The following SEL1L variants were observed in gnomAD, a reference collection of about 807,000 sequenced individuals.
SEL1L encodes the protein SEL1L adaptor subunit of SYVN1 ubiquitin ligase.
Under a neutral mutation model 109.8 loss-of-function variants are expected in SEL1L, and 52 were observed. The ratio of observed to expected loss-of-function variants is 0.47; its 90% CI spans 0.38 to 0.60. SEL1L has a LOEUF of 0.60. SEL1L is among the 20% of genes least tolerant of loss of function. SEL1L has a pLI of 0.00. For missense variants in SEL1L, 749 were observed against 962.2 expected (o/e 0.78, Z 2.93); for synonymous variants, 373 against 339.6 (o/e 1.10, Z -1.08).
chr14:81,496,524 A>C (rs1457953545), intron 10 of SEL1L, among the ~76,000 whole-genome samples: 1 of 152,158 alleles, frequency 6.6e-6, no homozygotes, highest in Non-Finnish European at 1.5e-5. Context: ...GGGATCACTT[A>C]GACCAGGAGT....
intron 1 of SEL1L, 59 bp downstream of exon 1, chr14:81,533,616 G>A: frequency 1.9e-6 from 3 of 1,542,652 alleles, no homozygotes; most frequent in Non-Finnish European, 2.7e-6. Context: ...GGCCCCGCCG[G>A]CTGTAGAGGC....
rs1014844458 is a variant in SEL1L, at chr14:81,473,233, C to T, written c.*3739G>A. 2 of 152,084 alleles carry T rather than the reference C, an allele frequency of 1.3e-5. No homozygotes were observed. The highest frequency in any genetic ancestry group is 1.5e-5 in the Non-Finnish European group (1 of 68,010). The allele number at this position is 152,084 out of a possible 1,614,324, so 9.4% of individuals were successfully genotyped here. ...AATAGTGTCAGCCTGTTTCTCAAAC[C>T]AAATAGGAAAAACAGCATGTGAGAT... On this transcript the variant is annotated 3_prime_UTR_variant, in exon 21 of 21. Transcript: ENST00000336735.
At chr14:81,533,628 G>C (rs1165213191) in intron 1 of SEL1L, 47 bp downstream of exon 1, 2 of 1,578,792 alleles carry the variant, frequency 1.3e-6, no homozygotes, top group Admixed American at 1.7e-5. Context: ...TGTAGAGGCT[G>C]GGGGGCGGAG....
intron 14 of SEL1L, 121 bp from the exon 15 acceptor site, chr14:81,488,063 A>T (rs2139995191): frequency 1.5e-6 from 1 of 681,220 alleles, no homozygotes; most frequent in East Asian, 2.8e-5. Context: ...AGCCATTAAA[A>T]AGACCACTTT....
At chr14:81,531,555 T>G (rs973009789) in intron 1 of SEL1L, among the ~76,000 whole-genome samples, 1 of 152,046 alleles carries the variant, frequency 6.6e-6, no homozygotes, top group African/African-American at 2.4e-5. Flanking sequence ...CAGGGTTGTT[T>G]TTTTTTCTTT....
At chr14:81,506,292 T>C in intron 3 of SEL1L, 51 bp from the exon 4 acceptor site, 1 of 1,450,924 alleles carries the variant, frequency 6.9e-7, no homozygotes, top group South Asian at 1.5e-5. Context: ...CCTCTGGTAT[T>C]CATGGATTCA....
Position 81,533,664 on chromosome 14 carries a change from C to A in SEL1L, c.70+11G>T, listed in dbSNP as rs1885424932. The stretch of plus-strand genomic sequence containing the variant: ...GCTCTGGGCCTTCAGCCCGAGGGGG[C>A]GGATACTGACCCGAGGACGCCGAGG... On this transcript the variant is annotated intron_variant, in intron 1 of 20. Transcript: ENST00000336735. 6.2e-7 allele frequency: 1 copy of A among 1,611,544 alleles called. No individual in the cohort carries two copies. Among genetic ancestry groups the A allele is most frequent in the Non-Finnish European group, 8.5e-7 (1 of 1,179,370 alleles).
intron 19 of SEL1L, among the ~76,000 whole-genome samples, chr14:81,481,372 A>G (rs1034761432): frequency 6.6e-6 from 1 of 152,224 alleles, no homozygotes; most frequent in African/African-American, 2.4e-5. Context: ...GCTATTCCTT[A>G]TTCTTGTCCT....
intron 1 of SEL1L, among the ~76,000 whole-genome samples, chr14:81,533,267 A>G (rs910538563): frequency 1.3e-5 from 2 of 152,190 alleles, no homozygotes; most frequent in Admixed American, 6.5e-5. Context: ...CTCTGCCCCA[A>G]AGTGACAGCT....
intron 3 of SEL1L, among the ~76,000 whole-genome samples, chr14:81,508,842 A>C (rs1884346680): frequency 6.6e-6 from 1 of 152,240 alleles, no homozygotes; most frequent in Non-Finnish European, 1.5e-5. Context: ...CAGTTTGCCA[A>C]AACTTGTATT....
rs761378520 is a variant in SEL1L, at chr14:81,504,287, C to T, written c.528G>A (p.Lys176=). The change falls in exon 5 of 21, where the codon AAG becomes AAA. Residue 176 remains lysine (K), a synonymous_variant. Coordinates refer to ENST00000336735, the MANE Select transcript of SEL1L (RefSeq NM_005065.6). ...TTTCTGCTTCCTGCATCTGCCGTCT[C>T]TTAGCAGCCTCTTCTTCAGCTAAAA... is the stretch of plus-strand genomic sequence containing the variant. ...GFCETEEEAA[K]RRQMQEAEMM... 4 of 1,595,620 alleles carry T rather than the reference C, an allele frequency of 2.5e-6. No homozygotes were observed. In the South Asian group the frequency reaches 3.4e-5, roughly 14 times the overall value.
In SEL1L at chr14:81,477,024, C is replaced by T. The variant is rs376067391; in HGVS notation, c.2333G>A (p.Arg778Gln). ...DMPAPRPPGP[R>Q]PAPPQQEGPP... The stretch of plus-strand genomic sequence containing the variant: ...CCCCTCCTGCTGGGGTGGAGCTGGC[C>T]GTGGCCCTGGAGGCCTGGGTGCAGG... Residue 778 changes from arginine (R) to glutamine (Q), a missense_variant, in exon 21 of 21, where the codon CGG (arginine) becomes CAG (glutamine). Arg to Gln is a conservative substitution (Grantham distance 43). Transcript: ENST00000336735. The T allele has an allele frequency of 1.7e-5, 27 of 1,614,154 alleles. No homozygotes were observed. The highest frequency in any genetic ancestry group is 2.2e-5 in the East Asian group (1 of 44,880).
In SEL1L at chr14:81,515,788, C is replaced by T. The variant is rs1032572127; in HGVS notation, c.341-9547G>A. Among the ~76,000 whole-genome samples, 8 of 152,188 alleles carry T rather than the reference C, an allele frequency of 5.3e-5. No homozygotes were observed. The East Asian group carries it at 1.5e-3, about 29-fold the overall frequency. ...CAGCCGCAGATATCAGAAGAAAGCTCCAAAAGTGAGCCCTGGGCCCCGAAC... is the reference window on the plus strand; with the variant it reads ...CAGCCGCAGATATCAGAAGAAAGCTTCAAAAGTGAGCCCTGGGCCCCGAAC... On this transcript the variant is annotated intron_variant, in intron 3 of 20. Transcript: ENST00000336735.
intron 1 of SEL1L, among the ~76,000 whole-genome samples, chr14:81,531,737 T>C (rs1421724695): frequency 2.0e-5 from 3 of 152,086 alleles, no homozygotes; most frequent in African/African-American, 7.2e-5. Context: ...GAGATGGGGT[T>C]TCGCCATGTT....
At chr14:81,533,578 A>T in intron 1 of SEL1L, 97 bp downstream of exon 1, 1 of 1,165,812 alleles carries the variant, frequency 8.6e-7, no homozygotes, top group Non-Finnish European at 1.2e-6. Context: ...GCCCAGGGAG[A>T]ACGGGGTCCC....
intron 3 of SEL1L, among the ~76,000 whole-genome samples, chr14:81,526,528 T>C (rs1036842528): frequency 6.6e-6 from 1 of 152,246 alleles, no homozygotes; most frequent in African/African-American, 2.4e-5. Context: ...ATCTATTGAA[T>C]TCAGCTTATG....
rs11848973 is a variant in SEL1L at position 81,474,870 on chromosome 14, T to C, written c.*2102A>G. ...TTTTATATGAACAACAAGACTGCAC[T>C]TTCCCATCCAGCCTTAGGTGGCACA... On this transcript the variant is annotated 3_prime_UTR_variant, in exon 21 of 21. Transcript: ENST00000336735. 1 of 152,170 alleles carries C rather than the reference T, an allele frequency of 6.6e-6. No individual in the cohort carries two copies. Among genetic ancestry groups the C allele is most frequent in the East Asian group, 1.9e-4 (1 of 5,202 alleles). The allele number at this position is 152,170 out of a possible 1,614,324, so 9.4% of individuals were successfully genotyped here. A position where few individuals can be genotyped will look rare whatever the true frequency, so the allele number is the denominator to read the frequency against.
At chr14:81,520,346 C>G (rs986570299) in intron 3 of SEL1L, among the ~76,000 whole-genome samples, 2 of 151,962 alleles carry the variant, frequency 1.3e-5, no homozygotes, top group Non-Finnish European at 1.5e-5. Flanking sequence ...ATTACAAGTC[C>G]CTAGCAAAAT....
At chr14:81,509,256 T>C (rs1272823246) in intron 3 of SEL1L, among the ~76,000 whole-genome samples, 1 of 152,248 alleles carries the variant, frequency 6.6e-6, no homozygotes, top group African/African-American at 2.4e-5. Flanking sequence ...GGAGAAATCC[T>C]GCAATAATTT....
Sources: gnomAD v4.1 joint callset for allele counts (sites outside exome capture counted in the v4.1 genomes callset) on GRCh38, gnomAD v4.1.1 for gene constraint, MANE v1.5 for transcripts, NCBI Gene and HGNC (gene_info 2026-07-23, HGNC 2026-07-21) for gene names.